Variants in FKBP5 observed in about 807,000 individuals in gnomAD.
The protein encoded by FKBP5 is peptidyl-prolyl cis-trans isomerase FKBP5.
Under a neutral mutation model 50.5 loss-of-function variants are expected in FKBP5, and 23 were observed. The observed-to-expected ratio is 0.46, with a 90% CI of 0.33 to 0.65. FKBP5 has a LOEUF of 0.65. FKBP5 is among the 30% of genes least tolerant of loss of function. The pLI, the probability that FKBP5 is intolerant of heterozygous loss-of-function variation, is 0.02. For synonymous variants in FKBP5, 176 were observed against 190.6 expected (o/e 0.92, Z 0.63); for missense variants, 411 against 553.1 (o/e 0.74, Z 2.58).
At chr6:35,641,620 A>G (rs1258342953) in intron 2 of FKBP5, among the ~76,000 whole-genome samples, 1 of 152,218 alleles carries the variant, frequency 6.6e-6, no homozygotes, top group Non-Finnish European at 1.5e-5. Context: ...TTTAATAAGT[A>G]GGAAAGCTAA....
chr6:35,671,026 A>G (rs766068373), intron 1 of FKBP5, among the ~76,000 whole-genome samples: 1 of 152,050 alleles, frequency 6.6e-6, no homozygotes, highest in Non-Finnish European at 1.5e-5. Flanking sequence ...TCTGAGGCCA[A>G]AGTGAGACGA....
Position 35,580,080 on chromosome 6 carries a change from G to C in FKBP5, c.982C>G (p.Leu328Val), listed in dbSNP as rs1015243818. 1.2e-6 allele frequency: 2 copies of C among 1,614,166 alleles called. No homozygotes were observed. Among genetic ancestry groups the C allele is most frequent in the Non-Finnish European group, 1.7e-6 (2 of 1,180,014 alleles). The change falls in exon 9 of 11, where the codon CTG (leucine) becomes GTG (valine). Residue 328 changes from leucine to valine, a missense_variant. Leu to Val is a conservative substitution (Grantham distance 32). Around this residue, in one of 3 missense-constraint regions of FKBP5, gnomAD observed 267 missense variants for 405.9 expected, o/e 0.66. Coordinates refer to ENST00000357266, the MANE Select transcript of FKBP5 (RefSeq NM_004117.4). ...AAFLNLAMCYLKLREYTKAVE... is the reference protein window; with the variant it reads ...AAFLNLAMCYVKLREYTKAVE... ...GCTTTGGTGTATTCTCTAAGCTTCA[G>C]GTAGCACATGGCCAGGTTCAGAAAG...
intron 5 of FKBP5, among the ~76,000 whole-genome samples, chr6:35,606,929 C>A (rs1268920409): frequency 6.6e-6 from 1 of 152,104 alleles, no homozygotes; most frequent in Non-Finnish European, 1.5e-5. Context: ...ATGTTTACTG[C>A]AGCATTGTTT....
intron 2 of FKBP5, among the ~76,000 whole-genome samples, chr6:35,697,728 T>C (rs1017721705): frequency 1.3e-5 from 2 of 151,956 alleles, no homozygotes; most frequent in African/African-American, 4.8e-5. Flanking sequence ...GCTGGAGGTG[T>C]AGGAGAGGGG....
At chr6:35,716,887 C>A (rs1024525891) in intron 2 of FKBP5, among the ~76,000 whole-genome samples, 3 of 152,176 alleles carry the variant, frequency 2.0e-5, no homozygotes, top group African/African-American at 7.2e-5. Context: ...TAAGACTTTC[C>A]CACCTCCCCA....
chr6:35,693,047 A>T (rs1488876910), upstream of FKBP5, among the ~76,000 whole-genome samples: 2 of 110,328 alleles, frequency 1.8e-5, no homozygotes, highest in Non-Finnish European at 1.7e-5. Flanking sequence ...AGTTTCTTCT[A>T]TTTTCAGCTC....
intron 1 of FKBP5, among the ~76,000 whole-genome samples, chr6:35,722,788 C>T (rs1766635501): frequency 6.6e-6 from 1 of 152,186 alleles, no homozygotes; most frequent in Admixed American, 6.5e-5. Flanking sequence ...CCCAACTTCC[C>T]AAGACATTAT....
chr6:35,675,286 G>A lies in FKBP5; in HGVS notation c.-20+13518C>T, dbSNP rs9470079. On this transcript the variant is annotated intron_variant, in intron 1 of 10. Coordinates refer to ENST00000357266, the MANE Select transcript of FKBP5 (RefSeq NM_004117.4). ...CTCTAGGCTGGGTGTGGTGGCTCAC[G>A]CCTGTAATCCCGGATTCTACGGATT... Among the ~76,000 whole-genome samples, 29,593 of 152,218 alleles carry A rather than the reference G, an allele frequency of 0.19. 3,023 individuals carry two copies. Among genetic ancestry groups the A allele is most frequent in the East Asian group, 0.36 (1,875 of 5,192 alleles).
At position 35,674,596 on chromosome 6, in the gene FKBP5, T is replaced by G. The variant is rs544758727; in HGVS notation, c.-20+14208A>C. Among the ~76,000 whole-genome samples the G allele has an allele frequency of 1.4e-3, 208 of 152,370 alleles. 1 individual carries two copies. Among genetic ancestry groups the G allele is most frequent in the African/African-American group, 4.9e-3 (202 of 41,586 alleles). On this transcript the variant is annotated intron_variant, in intron 1 of 10. Coordinates refer to ENST00000357266, the MANE Select transcript of FKBP5 (RefSeq NM_004117.4). ...GAAATGCATTCTCCCTTCTCTCAACTTATTAATAATAATTTATCAAGCTCT... is the reference window on the plus strand; with the variant it reads ...GAAATGCATTCTCCCTTCTCTCAACGTATTAATAATAATTTATCAAGCTCT...
chr6:35,698,376 G>A (rs539171943), intron 2 of FKBP5, among the ~76,000 whole-genome samples: 10 of 152,132 alleles, frequency 6.6e-5, no homozygotes, highest in South Asian at 4.2e-4. Context: ...GGCCGGGCGC[G>A]GTGGCTCACG....
chr6:35,694,367 G>A (rs141196925), intron 2 of FKBP5, among the ~76,000 whole-genome samples: 28 of 151,924 alleles, frequency 1.8e-4, no homozygotes, highest in Non-Finnish European at 2.5e-4. Flanking sequence ...GGCTGGTCTC[G>A]AACTCCTGGC....
At chr6:35,587,141 G>T in intron 7 of FKBP5, 24 bp from the exon 8 acceptor site, 1 of 1,608,068 alleles carries the variant, frequency 6.2e-7, no homozygotes, top group Non-Finnish European at 8.5e-7. Context: ...TGTGACAATG[G>T]TTAGATGAAC....
intron 1 of FKBP5, among the ~76,000 whole-genome samples, chr6:35,673,365 C>T (rs1765442327): frequency 6.6e-6 from 1 of 152,118 alleles, no homozygotes; most frequent in Admixed American, 6.5e-5. Flanking sequence ...GCCTAGGCAA[C>T]AGAGTGAGAC....
intron 8 of FKBP5, chr6:35,583,204 G>C: frequency 1.0e-6 from 1 of 985,350 alleles, no homozygotes; most frequent in Non-Finnish European, 1.2e-6. Context: ...CATTTCCCCT[G>C]TCATGCCTCA....
chr6:35,683,718 C>G (rs1478082316), intron 1 of FKBP5, among the ~76,000 whole-genome samples: 2 of 149,342 alleles, frequency 1.3e-5, no homozygotes, highest in African/African-American at 5.0e-5. Context: ...ACCTCCTGGC[C>G]TGGCCTATAT....
chr6:35,653,035 C>A (rs751031925), intron 1 of FKBP5, among the ~76,000 whole-genome samples: 8 of 152,128 alleles, frequency 5.3e-5, no homozygotes, highest in Non-Finnish European at 1.0e-4. Flanking sequence ...ATACCTGAGA[C>A]AGTTAACTGA....
At chr6:35,611,540 T>A (rs1314465561) in intron 5 of FKBP5, among the ~76,000 whole-genome samples, 2 of 152,124 alleles carry the variant, frequency 1.3e-5, no homozygotes, top group Non-Finnish European at 2.9e-5. Flanking sequence ...TTTAGAACCT[T>A]ATGTAAGTCA....
intron 2 of FKBP5, among the ~76,000 whole-genome samples, chr6:35,699,644 A>G (rs1187931667): frequency 1.3e-5 from 2 of 152,216 alleles, no homozygotes; most frequent in African/African-American, 2.4e-5. Flanking sequence ...TTCAATTTCA[A>G]TGGATGCTGC....
At chr6:35,715,045 G>A (rs1168242851) in intron 2 of FKBP5, among the ~76,000 whole-genome samples, 2 of 152,066 alleles carry the variant, frequency 1.3e-5, no homozygotes, top group East Asian at 3.9e-4. Flanking sequence ...GTCTATAGGT[G>A]CATGCCACCA....
Sources: allele counts gnomAD v4.1 joint callset (sites outside exome capture counted in the v4.1 genomes callset), GRCh38; gene constraint gnomAD v4.1.1; regional missense constraint gnomAD v4.1.1; transcripts MANE v1.5; gene names NCBI Gene and HGNC (gene_info 2026-07-23, HGNC 2026-07-21).